The following NKAIN1 variants were observed in gnomAD, a reference collection of about 807,000 sequenced individuals.
NKAIN1 encodes the protein sodium/potassium transporting ATPase interacting 1.
NKAIN1 carries 13 observed loss-of-function variants against 31.6 expected under a neutral mutation model. The ratio of observed to expected loss-of-function variants is 0.41; its 90% CI spans 0.27 to 0.65. The LOEUF (loss-of-function observed/expected upper bound fraction) is 0.65. Ranked by LOEUF, NKAIN1 falls within the 30% of genes least tolerant of loss-of-function variation. NKAIN1 has a pLI of 0.30. For synonymous variants in NKAIN1, 104 were observed against 109.0 expected, an observed-to-expected ratio of 0.95 and a Z score of 0.28; for missense variants, 193 against 262.2, an observed-to-expected ratio of 0.74 and a Z score of 1.82.
At position 31,193,359 on chromosome 1, in the gene NKAIN1, C is replaced by T. The variant is rs147098854; in HGVS notation, c.55-5172G>A. Among the ~76,000 whole-genome samples the T allele has an allele frequency of 1.7e-3, 261 of 151,902 alleles. 6 individuals are homozygous for T. In the East Asian group the frequency reaches 0.023, roughly 13 times the overall value. On this transcript the variant is annotated intron_variant, in intron 1 of 6. Transcript: ENST00000373736. ...CTGGGATTACAGGCGTGAGCCACCG[C>T]GCCCGGCAACAATCTCAATTTTAAA...
At chr1:31,220,003 A>ACTTTTTTTTTTTTTTTTTTTTTTTT in intron 1 of NKAIN1, among the ~76,000 whole-genome samples, 1 of 127,784 alleles carries the variant, frequency 7.8e-6, no homozygotes, top group Non-Finnish European at 1.6e-5. Flanking sequence ...GAACACTCAG[A>ACTTTTTTTTTTTTTTTTTTTTTTTT]TTTTTTTTTT....
rs1645191682 is a variant in NKAIN1 at position 31,180,828 on chromosome 1, T to C, written c.*875A>G. 1 of 152,274 alleles carries C rather than the reference T, an allele frequency of 6.6e-6. No homozygotes were observed. The highest frequency in any genetic ancestry group is 2.4e-5 in the African/African-American group (1 of 41,432). The allele number at this position is 152,274 out of a possible 1,614,324, so 9.4% of individuals were successfully genotyped here. On this transcript the variant is annotated 3_prime_UTR_variant, in exon 7 of 7. Coordinates refer to ENST00000373736, the MANE Select transcript of NKAIN1 (RefSeq NM_024522.3). ...TGAATTTGGGGCTTCATCCATCCAGTTCCCAATAAGAGAACGAATGGGTAT... is the reference window on the plus strand; with the variant it reads ...TGAATTTGGGGCTTCATCCATCCAGCTCCCAATAAGAGAACGAATGGGTAT...
chr1:31,185,034 T>G (rs1645231775), intron 3 of NKAIN1: 1 of 549,664 alleles, frequency 1.8e-6, no homozygotes, highest in Non-Finnish European at 3.3e-6. Flanking sequence ...TCACATGGAC[T>G]GCTCTTCAGC....
intron 1 of NKAIN1, among the ~76,000 whole-genome samples, chr1:31,206,185 A>G (rs905127408): frequency 2.1e-5 from 3 of 146,198 alleles, no homozygotes; most frequent in Non-Finnish European, 4.5e-5. Context: ...CAGTGAGCCA[A>G]GATCCCACCA....
intron 1 of NKAIN1, among the ~76,000 whole-genome samples, chr1:31,200,458 CTTT>C (rs3081712): frequency 5.7e-5 from 7 of 121,868 alleles, no homozygotes; most frequent in South Asian, 5.3e-4. Flanking sequence ...TCTCCTCTCT[CTTT>C]TTTTTTTTTT....
At chr1:31,189,335 T>C (rs2148350426) in intron 1 of NKAIN1, among the ~76,000 whole-genome samples, 1 of 152,300 alleles carries the variant, frequency 6.6e-6, no homozygotes, top group East Asian at 1.9e-4. Context: ...TCATTATTTT[T>C]AAACAGAGTC....
chr1:31,197,334 ATCT>A (rs1314452533), intron 1 of NKAIN1, among the ~76,000 whole-genome samples: 1 of 151,510 alleles, frequency 6.6e-6, no homozygotes, highest in African/African-American at 2.4e-5. Context: ...GATGGTCTCG[ATCT>A]TCTGACCTCG....
chr1:31,231,112 G>A (rs981257012), intron 1 of NKAIN1, among the ~76,000 whole-genome samples: 1 of 151,896 alleles, frequency 6.6e-6, no homozygotes, highest in African/African-American at 2.4e-5. Context: ...TCAAACTCCT[G>A]ACCTCAAGTG....
At chr1:31,194,376 CTTTTTCTTTCCTTT>C (rs1404382446) in intron 1 of NKAIN1, among the ~76,000 whole-genome samples, 10 of 150,678 alleles carry the variant, frequency 6.6e-5, no homozygotes, top group South Asian at 2.1e-4. Flanking sequence ...CTTCCCTTCC[CTTTTTCTTTCCTTT>C]TTTTTCTTTC....
chr1:31,191,646 C>CTAAGCTTCTCAGTG (rs1449992376), intron 1 of NKAIN1, among the ~76,000 whole-genome samples: 1 of 152,150 alleles, frequency 6.6e-6, no homozygotes, highest in Non-Finnish European at 1.5e-5. Context: ...GCTTAACAGT[C>CTAAGCTTCTCAGTG]TAAGCTTCTT....
chr1:31,238,315 G>A (rs1451956257), intron 1 of NKAIN1, among the ~76,000 whole-genome samples: 1 of 152,194 alleles, frequency 6.6e-6, no homozygotes, highest in East Asian at 1.9e-4. Flanking sequence ...TGGGGAGGGC[G>A]TGATGGATGC....
intron 1 of NKAIN1, among the ~76,000 whole-genome samples, chr1:31,208,167 T>C (rs7549197): frequency 0.6 from 90,793 of 152,032 alleles, 29,730 homozygotes; most frequent in Middle Eastern, 0.83. Flanking sequence ...ACTAGCCGTG[T>C]GACCTCTGGC....
intron 1 of NKAIN1, among the ~76,000 whole-genome samples, chr1:31,191,469 G>A (rs1025666294): frequency 6.8e-6 from 1 of 146,852 alleles, no homozygotes; most frequent in African/African-American, 2.5e-5. Context: ...TCAAATTCCA[G>A]CTCTGCTGTG....
intron 1 of NKAIN1, among the ~76,000 whole-genome samples, chr1:31,194,307 C>T (rs940693660): frequency 6.6e-6 from 1 of 152,062 alleles, no homozygotes; most frequent in African/African-American, 2.4e-5. Flanking sequence ...CATCAGTCCT[C>T]TCTGCCTTTG....
intron 1 of NKAIN1, among the ~76,000 whole-genome samples, chr1:31,194,803 A>C (rs1327453748): frequency 3.6e-5 from 3 of 82,292 alleles, no homozygotes; most frequent in African/African-American, 1.0e-4. Context: ...ACAGAGTCCC[A>C]TTCTGTCACC....
rs560639566 is a variant in NKAIN1 at position 31,239,818 on chromosome 1, C to T, written c.-271G>A. Among the ~76,000 whole-genome samples the T allele has an allele frequency of 3.0e-3, 453 of 152,008 alleles. 2 individuals carry two copies. Among genetic ancestry groups the T allele is most frequent in the Non-Finnish European group, 4.9e-3 (334 of 67,928 alleles). On this transcript the variant is annotated 5_prime_UTR_variant, in exon 1 of 7. Transcript: ENST00000373736. This position sits in a 1 kb window ranked among gnomAD's most constrained non-coding sequence, Gnocchi z 4.8. ...CGTCCGTCAGGCGCGCCTCCTGCCC[C>T]GGGGCGGCTGGCGGGGAGCGCGGAG... is the stretch of plus-strand genomic sequence containing the variant.
chr1:31,188,258 TG>T (rs1397849792), intron 1 of NKAIN1, 71 bp from the exon 2 acceptor site: 1 of 1,507,970 alleles, frequency 6.6e-7, no homozygotes, highest in East Asian at 2.5e-5. Context: ...TGCTTGACCT[TG>T]GGGAGCAGGT....
At position 31,180,952 on chromosome 1, in the gene NKAIN1, C is replaced by G. The variant is rs934839506; in HGVS notation, c.*751G>C. ...TGGAGGGGGGCTTGGAAATGGAACTCAGAGAGCAGACACTGGGTTTTACAG... is the reference window on the plus strand; with the variant it reads ...TGGAGGGGGGCTTGGAAATGGAACTGAGAGAGCAGACACTGGGTTTTACAG... On this transcript the variant is annotated 3_prime_UTR_variant, in exon 7 of 7. Transcript: ENST00000373736. 2.6e-5 allele frequency: 4 copies of G among 152,170 alleles called. No individual in the cohort carries two copies. The highest frequency in any genetic ancestry group is 9.7e-5 in the African/African-American group (4 of 41,398). 9.4% of individuals were successfully genotyped at this position (152,170 alleles called of 1,614,324 possible). A position where few individuals can be genotyped will look rare whatever the true frequency, so the allele number is the denominator to read the frequency against.
intron 1 of NKAIN1, among the ~76,000 whole-genome samples, chr1:31,220,910 C>T (rs1454747374): frequency 6.6e-6 from 1 of 152,188 alleles, no homozygotes; most frequent in African/African-American, 2.4e-5. Flanking sequence ...GAGGGCCACA[C>T]TCCATGTCCA....
Sources: allele counts gnomAD v4.1 joint callset (sites outside exome capture counted in the v4.1 genomes callset), GRCh38; gene constraint gnomAD v4.1.1; non-coding constraint Gnocchi (gnomAD v3.1); transcripts MANE v1.5; gene names NCBI Gene and HGNC (gene_info 2026-07-23, HGNC 2026-07-21).